Variants in IGF2R observed in about 807,000 individuals in gnomAD.
The protein encoded by IGF2R is insulin like growth factor 2 receptor.
A neutral mutation model predicts 270.6 loss-of-function variants in IGF2R; 91 were observed. The ratio of observed to expected loss-of-function variants is 0.34; its 90% CI spans 0.28 to 0.40. IGF2R has a LOEUF of 0.40. Ranked by LOEUF, IGF2R falls within the 10% of genes least tolerant of loss-of-function variation. The probability of loss-of-function intolerance (pLI) is 1.00; values close to 1 mark genes in which losing one functional copy is unlikely to be tolerated. For synonymous variants in IGF2R, 1,316 were observed against 1,258.9 expected (o/e 1.05, Z -0.96); for missense variants, 2,805 against 3,188.3 (o/e 0.88, Z 2.90).
At chr6:160,100,832 C>T (rs1370259404) in intron 45 of IGF2R, among the ~76,000 whole-genome samples, 1 of 96,890 alleles carries the variant, frequency 1.0e-5, no homozygotes, top group Non-Finnish European at 2.0e-5. Flanking sequence ...GCTCTTTTGC[C>T]CAGGCTGGAG....
chr6:160,101,779 GGTT>G (rs1178842787), intron 45 of IGF2R, among the ~76,000 whole-genome samples: 1 of 152,206 alleles, frequency 6.6e-6, no homozygotes, highest in African/African-American at 2.4e-5. Context: ...AAGTCTCCGT[GGTT>G]GTTTCTCATT....
intron 2 of IGF2R, among the ~76,000 whole-genome samples, chr6:159,996,679 G>A (rs926334526): frequency 1.3e-5 from 2 of 152,114 alleles, no homozygotes; most frequent in Non-Finnish European, 2.9e-5. Flanking sequence ...TGAGAATATC[G>A]CTGTCTGTCT....
chr6:160,025,182 T>C (rs1169855558), intron 5 of IGF2R, among the ~76,000 whole-genome samples: 1 of 152,230 alleles, frequency 6.6e-6, no homozygotes, highest in Admixed American at 6.5e-5. Context: ...CTTTAGAATC[T>C]TTGATAAATT....
At chr6:160,079,470 G>A in intron 37 of IGF2R, 110 bp from the exon 38 acceptor site, 1 of 725,226 alleles carries the variant, frequency 1.4e-6, no homozygotes, top group South Asian at 4.6e-5. Context: ...AGGAGTCTTT[G>A]CTCTTCCTCA....
chr6:160,068,067 TG>T (rs1778627049), intron 29 of IGF2R, among the ~76,000 whole-genome samples, 181 bp from the exon 30 acceptor site: 1 of 39,262 alleles, frequency 2.5e-5, no homozygotes, highest in South Asian at 9.4e-4. Flanking sequence ...TGATGGGGGG[TG>T]TGTGTGTGTG....
chr6:160,010,560 T>C (rs1456946223), intron 3 of IGF2R, 127 bp from the exon 4 acceptor site: 5 of 614,156 alleles, frequency 8.1e-6, no homozygotes, highest in Non-Finnish European at 1.4e-5. Flanking sequence ...ACTAAAGCGG[T>C]TGCATCCCCT....
intron 19 of IGF2R, among the ~76,000 whole-genome samples, chr6:160,054,215 C>T (rs1778259098): frequency 6.6e-6 from 1 of 152,230 alleles, no homozygotes; most frequent in South Asian, 2.1e-4. Flanking sequence ...TATACATATT[C>T]AGCAGGTTAC....
chr6:160,009,187 C>T, intron 3 of IGF2R, 53 bp downstream of exon 3: 1 of 1,523,422 alleles, frequency 6.6e-7, no homozygotes, highest in Non-Finnish European at 8.9e-7. Context: ...AAGGTCTGCC[C>T]CTTGGTGTTC....
rs773639789 is a variant in IGF2R at position 160,063,558 on chromosome 6, A to G, written c.3814A>G (p.Thr1272Ala). ...CGKLSSDVCP[T>A]SDKSKVVSSC... ...GAAGCTTTCCTCAGACGTCTGCCCC[A>G]CAAGTGACAAGTCCAAGGTGGTCTC... The change falls in exon 27 of 48, where the codon ACA (threonine) becomes GCA (alanine). Residue 1272 changes from threonine (T) to alanine (A), a missense_variant. Physicochemically the swap from Thr to Ala is moderately conservative, Grantham distance 58 (BLOSUM62 0). Transcript: ENST00000356956. 3.1e-6 allele frequency: 5 copies of G among 1,614,248 alleles called. No individual in the cohort carries two copies. In the South Asian group the frequency reaches 4.4e-5, roughly 14 times the overall value.
intron 10 of IGF2R, among the ~76,000 whole-genome samples, chr6:160,036,233 G>C (rs1173940679): frequency 1.3e-5 from 2 of 152,124 alleles, no homozygotes; most frequent in African/African-American, 2.4e-5. Context: ...CATCTGGTCT[G>C]AGCACTCCCT....
At chr6:160,094,092 C>T in intron 44 of IGF2R, 7 of 497,262 alleles carry the variant, frequency 1.4e-5, no homozygotes, top group Non-Finnish European at 2.0e-5. Context: ...CCCATCATTC[C>T]CCTTCTCCCA....
At chr6:160,047,584 A>G (rs540958306) in intron 16 of IGF2R, among the ~76,000 whole-genome samples, 1 of 152,344 alleles carries the variant, frequency 6.6e-6, no homozygotes, top group African/African-American at 2.4e-5. Context: ...AAAATCCTGA[A>G]TTAACCCCCA....
chr6:160,090,346 C>T (rs994871393), intron 44 of IGF2R: 1 of 296,574 alleles, frequency 3.4e-6, no homozygotes, highest in African/African-American at 2.2e-5. Context: ...AAACTAAAAC[C>T]TGGTCTGATC....
At chr6:160,031,619 G>C (rs61268266) in intron 7 of IGF2R, among the ~76,000 whole-genome samples, 29,541 of 151,972 alleles carry the variant, frequency 0.19, 3,420 homozygotes, top group East Asian at 0.52. Flanking sequence ...CCTGGGGTCT[G>C]CATCACCATG....
intron 4 of IGF2R, among the ~76,000 whole-genome samples, chr6:160,019,800 G>C (rs1193724248): frequency 6.6e-6 from 1 of 152,016 alleles, no homozygotes; most frequent in Non-Finnish European, 1.5e-5. Context: ...TATTAGAAGG[G>C]ACATACCTCA....
chr6:159,985,503 C>T (rs1420600862), intron 1 of IGF2R, among the ~76,000 whole-genome samples: 2 of 152,192 alleles, frequency 1.3e-5, no homozygotes, highest in Non-Finnish European at 2.9e-5. Flanking sequence ...GGGTGAGAGC[C>T]GTGCTGTCAT....
intron 1 of IGF2R, among the ~76,000 whole-genome samples, chr6:159,988,399 C>T (rs1783922370): frequency 6.6e-6 from 1 of 150,528 alleles, no homozygotes; most frequent in Admixed American, 6.7e-5. Context: ...CCTGTAGTGC[C>T]AGCTACGGGA....
intron 44 of IGF2R, chr6:160,095,448 T>C (rs1779335125): frequency 6.6e-6 from 1 of 152,292 alleles, no homozygotes; most frequent in Non-Finnish European, 1.5e-5. Context: ...TTGTTCTCTG[T>C]GTCTTGAAGT....
chr6:159,974,157 G>A (rs1405414265), intron 1 of IGF2R, among the ~76,000 whole-genome samples: 2 of 152,172 alleles, frequency 1.3e-5, no homozygotes, highest in East Asian at 3.8e-4. Flanking sequence ...ACCTGTCAGT[G>A]TTAGGTTTAG....
Sources: gnomAD v4.1 joint callset for allele counts (sites outside exome capture counted in the v4.1 genomes callset) on GRCh38, gnomAD v4.1.1 for gene constraint, MANE v1.5 for transcripts, NCBI Gene and HGNC (gene_info 2026-07-23, HGNC 2026-07-21) for gene names.